The following LYN variants were observed in gnomAD, a reference collection of about 807,000 sequenced individuals.
LYN encodes LYN proto-oncogene, Src family tyrosine kinase, also known as tyrosine-protein kinase Lyn.
A neutral mutation model predicts 65.0 loss-of-function variants in LYN; 12 were observed. The ratio of observed to expected loss-of-function variants is 0.18; its 90% CI spans 0.12 to 0.30. The LOEUF is 0.30. Among genes scored for constraint, LYN ranks in the 10% least tolerant of loss-of-function variants. The pLI, the probability that LYN is intolerant of heterozygous loss-of-function variation, is 1.00. For missense variants in LYN, 380 were observed against 623.2 expected (o/e 0.61, Z 4.16); for synonymous variants, 222 against 221.2 (o/e 1.00, Z -0.03).
chr8:55,985,421 AG>A lies in LYN; in HGVS notation c.1051-12921del, dbSNP rs557830046. Among the ~76,000 whole-genome samples the A allele has an allele frequency of 8.7e-4, 132 of 152,298 alleles. 1 individual carries two copies. The highest frequency in any genetic ancestry group is 3.1e-3 in the African/African-American group (128 of 41,552). On this transcript the variant is annotated intron_variant, in intron 10 of 12. Coordinates refer to ENST00000519728, the MANE Select transcript of LYN (RefSeq NM_002350.4). ...ATGGTATTTTGAAAACGCACTTCAAAGGGGTTGAAATATAAATAAAGAGGAT... is the reference window on the plus strand; with the variant it reads ...ATGGTATTTTGAAAACGCACTTCAAAGGGTTGAAATATAAATAAAGAGGAT...
At chr8:55,905,482 C>T (rs550564105) in intron 1 of LYN, among the ~76,000 whole-genome samples, 3 of 152,176 alleles carry the variant, frequency 2.0e-5, no homozygotes, top group African/African-American at 2.4e-5. Context: ...TAAGGTGGCC[C>T]AGTTAATATC....
chr8:55,908,553 C>T (rs1805497229), intron 1 of LYN, among the ~76,000 whole-genome samples: 2 of 152,172 alleles, frequency 1.3e-5, no homozygotes, highest in South Asian at 4.2e-4. Context: ...GCTGTTTAAA[C>T]CTTTTATAAT....
At chr8:55,925,677 A>G (rs1013625839) in intron 1 of LYN, among the ~76,000 whole-genome samples, 1 of 152,222 alleles carries the variant, frequency 6.6e-6, no homozygotes, top group African/African-American at 2.4e-5. Flanking sequence ...ACACCAAGGC[A>G]TCAGAATGGA....
At chr8:55,989,880 A>C (rs939964574) in intron 10 of LYN, among the ~76,000 whole-genome samples, 1 of 152,196 alleles carries the variant, frequency 6.6e-6, no homozygotes, top group Non-Finnish European at 1.5e-5. Flanking sequence ...ACATTGGTTC[A>C]ACCCAGGAAG....
intron 1 of LYN, among the ~76,000 whole-genome samples, chr8:55,926,833 T>C (rs879278588): frequency 2.6e-5 from 4 of 152,228 alleles, no homozygotes; most frequent in Non-Finnish European, 4.4e-5. Flanking sequence ...TTAAAAAAAT[T>C]AATAGACTTT....
Position 55,918,968 on chromosome 8 carries a change from G to A in LYN, c.-5-22887G>A, listed in dbSNP as rs556573450. ...AATCCCAGTGCTTTGGGAGTTCGAG[G>A]CAGGAGAATTGCATGAGCTCAGTTG... On this transcript the variant is annotated intron_variant, in intron 1 of 12. Coordinates refer to ENST00000519728, the MANE Select transcript of LYN (RefSeq NM_002350.4). Among the ~76,000 whole-genome samples the A allele has an allele frequency of 4.2e-5, 6 of 142,510 alleles. No individual in the cohort carries two copies. In the South Asian group the frequency reaches 1.3e-3, roughly 31 times the overall value. 93.5% of individuals were successfully genotyped at this position (142,510 alleles called of 152,430 possible). A position where few individuals can be genotyped will look rare whatever the true frequency, so the allele number is the denominator to read the frequency against.
At chr8:55,978,856 C>T (rs1340948278) in intron 10 of LYN, among the ~76,000 whole-genome samples, 12 of 152,128 alleles carry the variant, frequency 7.9e-5, no homozygotes, top group Admixed American at 7.9e-4. Flanking sequence ...TGGCCTCTCT[C>T]CCTCTTCCTG....
intron 1 of LYN, among the ~76,000 whole-genome samples, chr8:55,881,400 T>C (rs1267254148): frequency 6.6e-6 from 1 of 152,204 alleles, no homozygotes; most frequent in East Asian, 1.9e-4. Context: ...CCTAAAGCCA[T>C]GCCCTGGGGA....
At chr8:55,968,072 T>G (rs1218179237) in intron 9 of LYN, among the ~76,000 whole-genome samples, 2 of 152,174 alleles carry the variant, frequency 1.3e-5, no homozygotes, top group Non-Finnish European at 2.9e-5. Context: ...AATGGCATTG[T>G]TTGTTTTAAA....
Position 56,010,184 on chromosome 8 carries a change from C to A in LYN, c.*74C>A, listed in dbSNP as rs966171567. On this transcript the variant is annotated 3_prime_UTR_variant, in exon 13 of 13. Transcript: ENST00000519728. ...GAGGAAAAGTAACCATCACTGGTTG[C>A]ACTTATGATTTCATGTGCGGGGATC... 1.1e-4 allele frequency: 158 copies of A among 1,469,942 alleles called. No individual in the cohort carries two copies. The African/African-American group carries it at 1.9e-3, about 18-fold the overall frequency. The allele number at this position is 1,469,942 out of a possible 1,614,324, so 91.1% of individuals were successfully genotyped here. A position where few individuals can be genotyped will look rare whatever the true frequency, so the allele number is the denominator to read the frequency against.
At chr8:55,908,989 G>GTATATATATA (rs373570614) in intron 1 of LYN, among the ~76,000 whole-genome samples, 2 of 20,398 alleles carry the variant, frequency 9.8e-5, no homozygotes, top group African/African-American at 2.9e-4. Context: ...CATTGTGTAT[G>GTATATATATA]TATATATATA....
chr8:55,884,090 G>C (rs1804720105), intron 1 of LYN, among the ~76,000 whole-genome samples: 1 of 152,138 alleles, frequency 6.6e-6, no homozygotes, highest in Admixed American at 6.6e-5. Flanking sequence ...GATTTTTGTT[G>C]TTGTTGTTTT....
chr8:56,004,180 C>G (rs956928211), intron 12 of LYN, among the ~76,000 whole-genome samples: 1 of 151,810 alleles, frequency 6.6e-6, no homozygotes, highest in Non-Finnish European at 1.5e-5. Context: ...GATCTGCCTG[C>G]TTTGGCCTCC....
intron 10 of LYN, among the ~76,000 whole-genome samples, chr8:55,986,448 G>A (rs182454921): frequency 1.8e-4 from 28 of 152,168 alleles, no homozygotes; most frequent in African/African-American, 5.8e-4. Flanking sequence ...AAAGTAAATG[G>A]GTATTCATTG....
chr8:55,952,878 C>T (rs1203572731), intron 7 of LYN, among the ~76,000 whole-genome samples: 1 of 152,100 alleles, frequency 6.6e-6, no homozygotes, highest in African/African-American at 2.4e-5. Flanking sequence ...AGGTCAATGT[C>T]CCTGTCTCCA....
intron 1 of LYN, among the ~76,000 whole-genome samples, chr8:55,921,039 A>C (rs1166010309): frequency 6.6e-6 from 1 of 152,184 alleles, no homozygotes; most frequent in African/African-American, 2.4e-5. Context: ...ACATTCTTTG[A>C]ATGATCACAG....
Position 55,966,759 on chromosome 8 carries a change from C to A in LYN, c.835C>A (p.Pro279Thr). ...CAAGGTGGCTGTGAAAACCCTGAAG[C>A]CAGGAACTATGTCTGTGCAAGCCTT... is the stretch of plus-strand genomic sequence containing the variant. The part of the protein sequence containing the change: ...STKVAVKTLK[P>T]GTMSVQAFLE... Residue 279 changes from proline to threonine, a missense_variant, in exon 9 of 13, where the codon CCA (proline) becomes ACA (threonine). Coordinates refer to ENST00000519728, the MANE Select transcript of LYN (RefSeq NM_002350.4). 6.2e-7 allele frequency: 1 copy of A among 1,614,054 alleles called. No individual in the cohort carries two copies. Among genetic ancestry groups the A allele is most frequent in the Non-Finnish European group, 8.5e-7 (1 of 1,179,982 alleles).
chr8:55,971,465 A>C (rs1329528788), intron 10 of LYN, among the ~76,000 whole-genome samples: 1 of 152,210 alleles, frequency 6.6e-6, no homozygotes, highest in Non-Finnish European at 1.5e-5. Context: ...GGGTGTCCCC[A>C]TGGGTCAAGA....
At chr8:55,888,123 G>A (rs1804854961) in intron 1 of LYN, among the ~76,000 whole-genome samples, 1 of 152,178 alleles carries the variant, frequency 6.6e-6, no homozygotes, top group African/African-American at 2.4e-5. Flanking sequence ...CCACTGCTAT[G>A]TTTAGTATTC....
Sources: gnomAD v4.1 joint callset for allele counts (sites outside exome capture counted in the v4.1 genomes callset) on GRCh38, gnomAD v4.1.1 for gene constraint, MANE v1.5 for transcripts, NCBI Gene and HGNC (gene_info 2026-07-23, HGNC 2026-07-21) for gene names.